THAP4: variants seen among roughly 807,000 people sequenced by gnomAD.
THAP4 encodes peroxynitrite isomerase THAP4.
In THAP4, 18 loss-of-function variants were observed where a neutral mutation model predicts 48.1. The ratio of observed to expected loss-of-function variants is 0.37; its 90% CI spans 0.26 to 0.56. THAP4 has a LOEUF of 0.56. Among genes scored for constraint, THAP4 ranks in the 20% least tolerant of loss-of-function variants. The probability of loss-of-function intolerance (pLI) is 0.78; values close to 1 mark genes in which losing one functional copy is unlikely to be tolerated. For missense variants in THAP4, 656 were observed against 774.9 expected, an observed-to-expected ratio of 0.85 and a Z score of 1.82; for synonymous variants, 345 against 324.9, an observed-to-expected ratio of 1.06 and a Z score of -0.66.
intron 2 of THAP4, among the ~76,000 whole-genome samples, chr2:241,627,055 C>T (rs1030245503): frequency 6.6e-6 from 1 of 152,160 alleles, no homozygotes; most frequent in Admixed American, 6.5e-5. Flanking sequence ...GTTTTTAGGA[C>T]AGAAAAATCC....
chr2:241,592,285 G>A (rs1163471981), intron 5 of THAP4: 4 of 152,392 alleles, frequency 2.6e-5, no homozygotes, highest in African/African-American at 9.6e-5. Context: ...CAGACTGCAT[G>A]GGGCCCTGAA....
chr2:241,589,326 A>C lies in THAP4; in HGVS notation c.1615-4601T>G, dbSNP rs539292129. Among the ~76,000 whole-genome samples, 6 of 152,098 alleles carry C rather than the reference A, an allele frequency of 3.9e-5. No individual in the cohort carries two copies. The South Asian group carries it at 1.2e-3, about 32-fold the overall frequency. ...GAAAGGCAAGGCACAGGATAGGAATATCGTGTTGGCAAGTACACCTGATAA... is the reference window on the plus strand; with the variant it reads ...GAAAGGCAAGGCACAGGATAGGAATCTCGTGTTGGCAAGTACACCTGATAA... On this transcript the variant is annotated intron_variant, in intron 5 of 5. Coordinates refer to ENST00000407315, the MANE Select transcript of THAP4 (RefSeq NM_015963.6).
chr2:241,607,168 C>G (rs1271587251), intron 2 of THAP4, among the ~76,000 whole-genome samples: 1 of 152,086 alleles, frequency 6.6e-6, no homozygotes, highest in Non-Finnish European at 1.5e-5. Context: ...TCTCATCCCA[C>G]TAAGTGTGAA....
intron 2 of THAP4, among the ~76,000 whole-genome samples, chr2:241,609,919 G>A (rs1046065769): frequency 3.3e-5 from 5 of 152,376 alleles, no homozygotes; most frequent in Admixed American, 2.0e-4. Context: ...CACTTCCACT[G>A]GTGAGCGCAG....
At chr2:241,606,245 C>T in intron 3 of THAP4, 69 bp downstream of exon 3, 6 of 1,418,456 alleles carry the variant, frequency 4.2e-6, no homozygotes, top group Non-Finnish European at 5.7e-6. Flanking sequence ...TTTGATCAGT[C>T]TGGAATTATT....
At chr2:241,636,236 A>G (rs1331516719) in intron 1 of THAP4, among the ~76,000 whole-genome samples, 2 of 152,274 alleles carry the variant, frequency 1.3e-5, no homozygotes, top group African/African-American at 4.8e-5. Flanking sequence ...TAAAACTTAA[A>G]TAACACCATG....
At chr2:241,619,005 C>T (rs1282627475) in intron 2 of THAP4, among the ~76,000 whole-genome samples, 1 of 152,208 alleles carries the variant, frequency 6.6e-6, no homozygotes, top group Non-Finnish European at 1.5e-5. Context: ...TCTTCCGTCT[C>T]ACCCAAGCGG....
intron 2 of THAP4, among the ~76,000 whole-genome samples, chr2:241,624,858 C>T (rs1047527781): frequency 2.6e-5 from 4 of 152,040 alleles, no homozygotes; most frequent in Non-Finnish European, 5.9e-5. Context: ...CTCTGTATGA[C>T]GAACAGAGCA....
intron 5 of THAP4, among the ~76,000 whole-genome samples, chr2:241,597,742 G>A (rs2067066709): frequency 1.3e-5 from 2 of 152,104 alleles, no homozygotes; most frequent in Admixed American, 6.6e-5. Context: ...ACCCAATGGG[G>A]AGGCCCAGCC....
In THAP4 at chr2:241,616,134, T is replaced by C. The variant is rs1020809319; in HGVS notation, c.1241-9661A>G. On this transcript the variant is annotated intron_variant, in intron 2 of 5. Coordinates refer to ENST00000407315, the MANE Select transcript of THAP4 (RefSeq NM_015963.6). The surrounding 1 kb of genome is among the most constrained non-coding windows in gnomAD (Gnocchi z 4.6). ...TATCTGAAGTCTGGTCAAGTTGAAC[T>C]GGACCATCTATTCCCCCAAGTGGGC... Among the ~76,000 whole-genome samples the C allele has an allele frequency of 2.0e-5, 3 of 152,214 alleles. No homozygotes were observed. Among genetic ancestry groups the C allele is most frequent in the Admixed American group, 1.3e-4 (2 of 15,278 alleles).
chr2:241,611,130 C>T (rs562921677), intron 2 of THAP4, among the ~76,000 whole-genome samples: 48 of 152,316 alleles, frequency 3.2e-4, no homozygotes, highest in Admixed American at 2.6e-4. Context: ...TGGGTCAGTG[C>T]CTCGCTGGAG....
chr2:241,597,283 G>A (rs1209830206), intron 5 of THAP4, among the ~76,000 whole-genome samples: 11 of 152,114 alleles, frequency 7.2e-5, no homozygotes, highest in African/African-American at 1.9e-4. Flanking sequence ...ACAAGCGCCC[G>A]CCATCACGCC....
chr2:241,610,520 G>A lies in THAP4; in HGVS notation c.1241-4047C>T, dbSNP rs2067256498. ...CAAGAGCTCCAGCAAGAGCAGAGGC[G>A]GGAGCCTCGCCAGCCCCTCCACAGA... On this transcript the variant is annotated intron_variant, in intron 2 of 5. Coordinates refer to ENST00000407315, the MANE Select transcript of THAP4 (RefSeq NM_015963.6). The surrounding 1 kb of genome is among the most constrained non-coding windows in gnomAD (Gnocchi z 4.2). Among the ~76,000 whole-genome samples the A allele has an allele frequency of 6.6e-6, 1 of 152,180 alleles. No homozygotes were observed. The highest frequency in any genetic ancestry group is 2.4e-5 in the African/African-American group (1 of 41,442).
At position 241,612,728 on chromosome 2, in the gene THAP4, C is replaced by T. The variant is rs1182106841; in HGVS notation, c.1241-6255G>A. 1.3e-5 allele frequency among the ~76,000 whole-genome samples: 2 copies of T among 152,214 alleles called. No individual in the cohort carries two copies. The highest frequency in any genetic ancestry group is 2.9e-5 in the Non-Finnish European group (2 of 68,042). On this transcript the variant is annotated intron_variant, in intron 2 of 5. Coordinates refer to ENST00000407315, the MANE Select transcript of THAP4 (RefSeq NM_015963.6). This position sits in a 1 kb window ranked among gnomAD's most constrained non-coding sequence, Gnocchi z 4.1. ...TGCAGAACACACACATCTACAGAGA[C>T]AGAACGTGGGTCAGTGTTTCTCCAC... is the stretch of plus-strand genomic sequence containing the variant.
At chr2:241,589,841 C>A (rs1455350563) in intron 5 of THAP4, among the ~76,000 whole-genome samples, 1 of 152,122 alleles carries the variant, frequency 6.6e-6, no homozygotes, top group Admixed American at 6.5e-5. Flanking sequence ...GACCACCACA[C>A]AGCAACAAGC....
intron 2 of THAP4, among the ~76,000 whole-genome samples, chr2:241,614,586 C>T (rs201881514): frequency 1.3e-5 from 2 of 152,118 alleles, no homozygotes; most frequent in East Asian, 3.8e-4. Flanking sequence ...AACTCTGTAG[C>T]TTAAAACTAG....
chr2:241,626,570 G>GT (rs569065667), intron 2 of THAP4, among the ~76,000 whole-genome samples: 1,547 of 144,410 alleles, frequency 0.011, 13 homozygotes, highest in Non-Finnish European at 0.015. Flanking sequence ...AACAGTTTTT[G>GT]TTTTTTTTTT....
At chr2:241,604,953 T>C (rs768144813) in intron 3 of THAP4, among the ~76,000 whole-genome samples, 5 of 152,240 alleles carry the variant, frequency 3.3e-5, no homozygotes, top group Admixed American at 6.5e-5. Flanking sequence ...ATTTATACCA[T>C]ATTCTAGGAC....
upstream of THAP4, chr2:241,637,251 G>T (rs2067688921): frequency 9.6e-7 from 1 of 1,046,538 alleles, no homozygotes; most frequent in Admixed American, 6.0e-5. Context: ...GGACCAGCGG[G>T]GCGCCGCAGG....
Sources: allele counts gnomAD v4.1 joint callset (sites outside exome capture counted in the v4.1 genomes callset), GRCh38; gene constraint gnomAD v4.1.1; non-coding constraint Gnocchi (gnomAD v3.1); transcripts MANE v1.5; gene names NCBI Gene and HGNC (gene_info 2026-07-23, HGNC 2026-07-21).